The following STX6 variants were observed in gnomAD, a reference collection of about 807,000 sequenced individuals.
The protein encoded by STX6 is syntaxin-6.
In STX6, 23 loss-of-function variants were observed where a neutral mutation model predicts 38.0. The observed-to-expected ratio is 0.60, with a 90% CI of 0.43 to 0.86. The LOEUF (loss-of-function observed/expected upper bound fraction) is 0.86. Ranked by LOEUF, STX6 falls within the 40% of genes least tolerant of loss-of-function variation. The probability of loss-of-function intolerance (pLI) is 0.00; values close to 1 mark genes in which losing one functional copy is unlikely to be tolerated. For missense variants in STX6, 274 were observed against 312.9 expected (o/e 0.88, Z 0.94); for synonymous variants, 123 against 107.5 (o/e 1.14, Z -0.89).
Position 180,984,666 on chromosome 1 carries a change from G to A in STX6, c.691+11C>T, listed in dbSNP as rs112024294. On this transcript the variant is annotated intron_variant, in intron 7 of 7. Transcript: ENST00000258301. ...AAGTACAAATGCTTAAGCTTTAAACGCCATACATACCACTGGTCATATGAG... is the reference window on the plus strand; with the variant it reads ...AAGTACAAATGCTTAAGCTTTAAACACCATACATACCACTGGTCATATGAG... 67 of 1,329,798 alleles carry A rather than the reference G, an allele frequency of 5.0e-5. No homozygotes were observed. The African/African-American group carries it at 7.8e-4, about 15-fold the overall frequency. The allele number at this position is 1,329,798 out of a possible 1,614,324, so 82.4% of individuals were successfully genotyped here.
Position 181,002,641 on chromosome 1 carries a change from T to G in STX6, c.265A>C (p.Lys89Gln). Reference sequence around the variant, plus strand: ...TGCCGAGTACTTGTAATGAAGGCTTTTCTTATACTCAATTCAGTTGCATCA... The same window carrying G: ...TGCCGAGTACTTGTAATGAAGGCTTGTCTTATACTCAATTCAGTTGCATCA... ...NLDATELSIR[K>Q]AFITSTRQVV... The change falls in exon 3 of 8, where the codon AAA becomes CAA. Residue 89 changes from lysine (K) to glutamine (Q), a missense_variant. Transcript: ENST00000258301. The G allele has an allele frequency of 1.2e-6, 2 of 1,613,762 alleles. No homozygotes were observed. The highest frequency in any genetic ancestry group is 1.7e-6 in the Non-Finnish European group (2 of 1,179,730).
intron 1 of STX6, among the ~76,000 whole-genome samples, chr1:181,009,611 G>C (rs566345457): frequency 1.3e-5 from 2 of 152,054 alleles, no homozygotes; most frequent in South Asian, 4.1e-4. Flanking sequence ...TACATATTTA[G>C]AATGGATTAA....
At chr1:180,983,006 G>C (rs552076650) in intron 7 of STX6, among the ~76,000 whole-genome samples, 1 of 152,208 alleles carries the variant, frequency 6.6e-6, no homozygotes, top group South Asian at 2.1e-4. Context: ...TGCGCCTTGG[G>C]GCCATTACAA....
chr1:181,002,324 AT>A (rs886165329), intron 3 of STX6, among the ~76,000 whole-genome samples: 55 of 147,668 alleles, frequency 3.7e-4, no homozygotes, highest in African/African-American at 1.1e-3. Flanking sequence ...TAATTTTTAT[AT>A]TTTTTTTTTG....
At chr1:180,982,246 T>C (rs1222731586) in intron 7 of STX6, among the ~76,000 whole-genome samples, 5 of 152,168 alleles carry the variant, frequency 3.3e-5, no homozygotes, top group Non-Finnish European at 5.9e-5. Context: ...AGTGAACTTC[T>C]GCAAAAATTA....
At chr1:180,993,278 T>C (rs1372749597) in intron 4 of STX6, 85 bp downstream of exon 4, 1 of 838,900 alleles carries the variant, frequency 1.2e-6, no homozygotes, top group Non-Finnish European at 2.0e-6. Context: ...GATTACATGA[T>C]CCATGGATGG....
rs1168297526 is a variant in STX6, at chr1:181,022,656, G to A, written c.18C>T (p.Pro6=). Residue 6 remains proline (P), a synonymous_variant, in exon 1 of 8, where the codon CCC becomes CCT. Transcript: ENST00000258301. The part of the protein sequence containing the change: MSMED[P]FFVVKGEVQK... ...ACACTCACCCTTTCACCACAAAGAA[G>A]GGGTCCTCCATGGACATGGCGTCCC... is the stretch of plus-strand genomic sequence containing the variant. 5.0e-6 allele frequency: 8 copies of A among 1,610,668 alleles called. No homozygotes were observed. The East Asian group carries it at 6.7e-5, about 14-fold the overall frequency.
chr1:181,009,498 T>C (rs1656333092), intron 1 of STX6, among the ~76,000 whole-genome samples: 1 of 149,878 alleles, frequency 6.7e-6, no homozygotes, highest in Admixed American at 6.7e-5. Flanking sequence ...AGCAAAAGAT[T>C]TGACCAGTCA....
At chr1:181,002,324 A>T (rs1558094969) in intron 3 of STX6, among the ~76,000 whole-genome samples, 1 of 147,610 alleles carries the variant, frequency 6.8e-6, no homozygotes, top group Non-Finnish European at 1.5e-5. Context: ...TAATTTTTAT[A>T]TTTTTTTTTT....
At chr1:180,982,159 G>A (rs1454479381) in intron 7 of STX6, among the ~76,000 whole-genome samples, 4 of 152,190 alleles carry the variant, frequency 2.6e-5, no homozygotes, top group African/African-American at 4.8e-5. Context: ...TGGTCCGCCT[G>A]TGTGCCTGTA....
chr1:180,988,046 G>T, intron 6 of STX6, 193 bp downstream of exon 6: 1 of 470,498 alleles, frequency 2.1e-6, no homozygotes, highest in Non-Finnish European at 3.8e-6. Context: ...TTCACCTAAA[G>T]CCTGTAGTAA....
chr1:181,021,487 C>G (rs139519769), intron 1 of STX6, among the ~76,000 whole-genome samples: 7 of 152,278 alleles, frequency 4.6e-5, no homozygotes, highest in African/African-American at 1.2e-4. Context: ...TTTAAATTTT[C>G]TACAACACTT....
intron 2 of STX6, among the ~76,000 whole-genome samples, chr1:181,003,912 G>A (rs529685227): frequency 6.6e-6 from 1 of 152,326 alleles, no homozygotes; most frequent in South Asian, 2.1e-4. Context: ...CATGGAACAA[G>A]ACATCTCTTC....
chr1:180,993,862 G>A (rs1456901098), intron 3 of STX6, among the ~76,000 whole-genome samples: 1 of 109,030 alleles, frequency 9.2e-6, no homozygotes, highest in Non-Finnish European at 2.2e-5. Flanking sequence ...ACAAAAGCAC[G>A]TGTTCAAGGG....
intron 2 of STX6, among the ~76,000 whole-genome samples, chr1:181,004,687 T>G (rs10910847): frequency 4.6e-5 from 7 of 152,212 alleles, no homozygotes; most frequent in African/African-American, 1.7e-4. Context: ...AACAAATGGA[T>G]AAACCTAAGG....
At chr1:180,987,797 T>C (rs2102307174) in intron 6 of STX6, 1 of 151,874 alleles carries the variant, frequency 6.6e-6, no homozygotes, top group South Asian at 2.1e-4. Flanking sequence ...TGTAAGTTTT[T>C]TTTAAAAAAA....
rs934874269 is a variant in STX6 at position 181,015,068 on chromosome 1, T to C, written c.35+7571A>G. Among the ~76,000 whole-genome samples, 3 of 152,300 alleles carry C rather than the reference T, an allele frequency of 2.0e-5. No individual in the cohort carries two copies. In the South Asian group the frequency reaches 6.2e-4, roughly 32 times the overall value. Reference sequence around the variant, plus strand: ...CACTTTCTCTGTCTCTGTGACATTGTGCTGTTCTAGTTTTCTACCAGTTTT... The same window carrying C: ...CACTTTCTCTGTCTCTGTGACATTGCGCTGTTCTAGTTTTCTACCAGTTTT... On this transcript the variant is annotated intron_variant, in intron 1 of 7. Transcript: ENST00000258301.
intron 3 of STX6, among the ~76,000 whole-genome samples, chr1:180,998,764 G>T (rs1273476246): frequency 6.6e-6 from 1 of 152,182 alleles, no homozygotes; most frequent in Non-Finnish European, 1.5e-5. Context: ...TGGAATTCGG[G>T]ATCTTAAACT....
chr1:181,017,750 T>C (rs942316961), intron 1 of STX6, among the ~76,000 whole-genome samples: 1 of 152,152 alleles, frequency 6.6e-6, no homozygotes, highest in African/African-American at 2.4e-5. Context: ...TTAGTAAAGA[T>C]TTTTTTAATG....
Sources: gnomAD v4.1 joint callset for allele counts (sites outside exome capture counted in the v4.1 genomes callset) on GRCh38, gnomAD v4.1.1 for gene constraint, MANE v1.5 for transcripts, NCBI Gene and HGNC (gene_info 2026-07-23, HGNC 2026-07-21) for gene names.